Variants in SMYD3 observed in about 807,000 individuals in gnomAD.
SMYD3 encodes the protein histone-lysine N-methyltransferase SMYD3.
SMYD3 carries 36 observed loss-of-function variants against 57.7 expected under a neutral mutation model. That is an observed-to-expected ratio of 0.62 (90% CI 0.48 to 0.82). SMYD3 has a LOEUF of 0.82. Among genes scored for constraint, SMYD3 ranks in the 40% least tolerant of loss-of-function variants. The pLI is 0.00. For synonymous variants in SMYD3, 211 were observed against 195.0 expected (o/e 1.08, Z -0.68); for missense variants, 515 against 538.8 (o/e 0.96, Z 0.44).
At chr1:245,857,426 C>CCCACATGTCTCCTGAGAGTCTT (rs147031396) in intron 10 of SMYD3, among the ~76,000 whole-genome samples, 9 of 151,878 alleles carry the variant, frequency 5.9e-5, no homozygotes, top group Admixed American at 5.9e-4. Flanking sequence ...AAATTCCTCT[C>CCCACATGTCTCCTGAGAGTCTT]CCTCTAGCGG....
chr1:246,298,802 G>C (rs866679952), intron 5 of SMYD3, among the ~76,000 whole-genome samples: 15 of 151,480 alleles, frequency 9.9e-5, no homozygotes, highest in African/African-American at 3.6e-4. Context: ...AATTTCATGG[G>C]GAAAAAAAAG....
At chr1:245,838,078 G>C (rs1394512999) in intron 10 of SMYD3, among the ~76,000 whole-genome samples, 1 of 152,192 alleles carries the variant, frequency 6.6e-6, no homozygotes, top group Admixed American at 6.5e-5. Flanking sequence ...TTAAGGCCAT[G>C]AAACAACATG....
At chr1:246,107,100 C>CCATCCTGTCTAA (rs371948645) in intron 5 of SMYD3, among the ~76,000 whole-genome samples, 3 of 139,960 alleles carry the variant, frequency 2.1e-5, no homozygotes, top group Non-Finnish European at 4.5e-5. Flanking sequence ...GAGATCGAGA[C>CCATCCTGTCTAA]CACGGTGAAA....
At chr1:246,410,384 T>C (rs1043881046) in intron 1 of SMYD3, among the ~76,000 whole-genome samples, 13 of 151,948 alleles carry the variant, frequency 8.6e-5, no homozygotes, top group African/African-American at 2.9e-4. Flanking sequence ...GCATGAAGTG[T>C]TGCTGAATTT....
At chr1:246,035,001 C>T (rs77803406) in intron 5 of SMYD3, among the ~76,000 whole-genome samples, 3,966 of 152,162 alleles carry the variant, frequency 0.026, 147 homozygotes, top group African/African-American at 0.083. Flanking sequence ...CATAGTGTTC[C>T]GGCCTCAAAA....
At chr1:246,216,956 G>A (rs2063174606) in intron 5 of SMYD3, among the ~76,000 whole-genome samples, 1 of 152,064 alleles carries the variant, frequency 6.6e-6, no homozygotes, top group African/African-American at 2.4e-5. Context: ...ACAGACCTAG[G>A]ATTTTCCAAG....
At chr1:246,379,081 T>C (rs367559752) in intron 1 of SMYD3, among the ~76,000 whole-genome samples, 68 of 130,512 alleles carry the variant, frequency 5.2e-4, no homozygotes, top group Admixed American at 9.5e-4. Context: ...CACACATACA[T>C]ACACACACAC....
intron 11 of SMYD3, among the ~76,000 whole-genome samples, chr1:245,759,530 T>G (rs1414093822): frequency 3.3e-5 from 5 of 152,200 alleles, no homozygotes; most frequent in African/African-American, 1.2e-4. Flanking sequence ...CCAAAGAGGT[T>G]AAGAATCACT....
intron 5 of SMYD3, among the ~76,000 whole-genome samples, chr1:246,245,892 T>G (rs915616298): frequency 6.6e-6 from 1 of 152,200 alleles, no homozygotes; most frequent in African/African-American, 2.4e-5. Flanking sequence ...ATAAGTTTAA[T>G]AAAATACAAC....
At chr1:246,495,925 A>G (rs1054168406) in intron 1 of SMYD3, among the ~76,000 whole-genome samples, 1 of 151,950 alleles carries the variant, frequency 6.6e-6, no homozygotes, top group Non-Finnish European at 1.5e-5. Flanking sequence ...AGATCATGCC[A>G]CTGTACTCCA....
At chr1:246,143,124 AATACACAC>A (rs756886938) in intron 5 of SMYD3, among the ~76,000 whole-genome samples, 3 of 93,778 alleles carry the variant, frequency 3.2e-5, no homozygotes, top group African/African-American at 1.3e-4. Context: ...TTGTATATTT[AATACACAC>A]ACACACACAC....
chr1:246,146,617 TGAGGAAGACAGAATAAACTA>T lies in SMYD3; in HGVS notation c.531+180564_531+180583del, dbSNP rs376600256. On this transcript the variant is annotated intron_variant, in intron 5 of 11. Transcript: ENST00000490107. ...AGAAGACCGTCCTGGGGGTGAGTTTTGAGGAAGACAGAATAAACTAGAAGTGAAGCGGAGTGTGGAGAACC... is the reference window on the plus strand; with the variant it reads ...AGAAGACCGTCCTGGGGGTGAGTTTTGAAGTGAAGCGGAGTGTGGAGAACC... Among the ~76,000 whole-genome samples the T allele has an allele frequency of 5.3e-3, 804 of 152,232 alleles. 6 individuals carry two copies. Among genetic ancestry groups the T allele is most frequent in the African/African-American group, 0.018 (746 of 41,528 alleles).
In SMYD3 at chr1:245,988,805, G is replaced by A. The variant is rs13376134; in HGVS notation, c.532-58868C>T. Among the ~76,000 whole-genome samples, 12 of 152,250 alleles carry A rather than the reference G, an allele frequency of 7.9e-5. No homozygotes were observed. In the South Asian group the frequency reaches 2.5e-3, roughly 32 times the overall value. ...TGTGTCCAAAATTGGGCCAATCAGA[G>A]TGAACTCAAAGGCTTTTTTTGTCAG... is the stretch of plus-strand genomic sequence containing the variant. On this transcript the variant is annotated intron_variant, in intron 5 of 11. Coordinates refer to ENST00000490107, the MANE Select transcript of SMYD3 (RefSeq NM_001167740.2).
intron 1 of SMYD3, among the ~76,000 whole-genome samples, chr1:246,358,327 G>C (rs1349081067): frequency 2.0e-5 from 3 of 151,886 alleles, no homozygotes; most frequent in Non-Finnish European, 4.4e-5. Flanking sequence ...ATTACTAATA[G>C]ACCTAAGAAA....
chr1:246,189,921 C>G (rs1160720048), intron 5 of SMYD3, among the ~76,000 whole-genome samples: 1 of 152,250 alleles, frequency 6.6e-6, no homozygotes, highest in African/African-American at 2.4e-5. Context: ...TCTTTTCAAG[C>G]AAATGTTTAA....
At chr1:246,246,275 T>C (rs2063702337) in intron 5 of SMYD3, among the ~76,000 whole-genome samples, 1 of 152,226 alleles carries the variant, frequency 6.6e-6, no homozygotes. Flanking sequence ...TCTTACGGTA[T>C]GATCCTTGAT....
At chr1:246,159,934 C>G (rs1339141282) in intron 5 of SMYD3, among the ~76,000 whole-genome samples, 1 of 152,134 alleles carries the variant, frequency 6.6e-6, no homozygotes, top group African/African-American at 2.4e-5. Flanking sequence ...TCCTGAGGAG[C>G]TGGGATTACA....
chr1:246,224,014 T>C (rs2063292154), intron 5 of SMYD3, among the ~76,000 whole-genome samples: 1 of 152,158 alleles, frequency 6.6e-6, no homozygotes, highest in South Asian at 2.1e-4. Flanking sequence ...GATTCTTCTA[T>C]TTACAAGCAT....
At chr1:246,308,292 T>C (rs2065020374) in intron 5 of SMYD3, among the ~76,000 whole-genome samples, 1 of 152,200 alleles carries the variant, frequency 6.6e-6, no homozygotes, top group South Asian at 2.1e-4. Context: ...AGTACAAATT[T>C]GTTGAACTGA....
Sources: gnomAD v4.1 joint callset for allele counts (sites outside exome capture counted in the v4.1 genomes callset) on GRCh38, gnomAD v4.1.1 for gene constraint, MANE v1.5 for transcripts, NCBI Gene and HGNC (gene_info 2026-07-23, HGNC 2026-07-21) for gene names.